Variants in RPGRIP1 observed in about 807,000 individuals in gnomAD.
The protein encoded by RPGRIP1 is RPGR interacting protein 1.
A neutral mutation model predicts 157.9 loss-of-function variants in RPGRIP1; 128 were observed. The observed-to-expected ratio is 0.81, with a 90% CI of 0.70 to 0.94. RPGRIP1 has a LOEUF of 0.94. Ranked by LOEUF, RPGRIP1 falls within the 40% of genes least tolerant of loss-of-function variation. The pLI is 0.00. For synonymous variants in RPGRIP1, 554 were observed against 571.6 expected, an observed-to-expected ratio of 0.97 and a Z score of 0.44; for missense variants, 1,486 against 1,545.8, an observed-to-expected ratio of 0.96 and a Z score of 0.65.
In RPGRIP1 at chr14:21,322,017, C is replaced by T. The variant is rs748439437; in HGVS notation, c.1762+13C>T. 1 of 1,607,000 alleles carries T rather than the reference C, an allele frequency of 6.2e-7. No individual in the cohort carries two copies. The highest frequency in any genetic ancestry group is 1.7e-5 in the Admixed American group (1 of 58,640). ...CTTCCAACATCTGGCAAGTCTTAGTCCTTTGTTCTCCTCACTTCGGGACCC... is the reference window on the plus strand; with the variant it reads ...CTTCCAACATCTGGCAAGTCTTAGTTCTTTGTTCTCCTCACTTCGGGACCC... On this transcript the variant is annotated intron_variant, in intron 14 of 24. Transcript: ENST00000400017.
chr14:21,346,982 G>C (rs1885632149), intron 23 of RPGRIP1, among the ~76,000 whole-genome samples: 1 of 152,264 alleles, frequency 6.6e-6, no homozygotes, highest in Non-Finnish European at 1.5e-5. Context: ...GGCTTAAACA[G>C]ATGTAAGCTT....
intron 2 of RPGRIP1, 103 bp downstream of exon 2, chr14:21,288,164 T>G: frequency 1.3e-6 from 1 of 753,260 alleles, no homozygotes; most frequent in Admixed American, 2.4e-5. Context: ...TTCAGCTCTT[T>G]TCTTCAGTCT....
At chr14:21,345,391 T>G (rs1885461284) in intron 23 of RPGRIP1, among the ~76,000 whole-genome samples, 194 bp downstream of exon 23, 1 of 151,662 alleles carries the variant, frequency 6.6e-6, no homozygotes, top group African/African-American at 2.4e-5. Flanking sequence ...TTATAGGTTA[T>G]TTATTTATTT....
chr14:21,317,398 C>T, intron 10 of RPGRIP1: 1 of 576,316 alleles, frequency 1.7e-6, no homozygotes. Context: ...ATACATAGTT[C>T]CCTGACTAAA....
rs1213308575 is a variant in RPGRIP1, at chr14:21,310,122, A to G, written c.907-462A>G. 3.2e-5 allele frequency among the ~76,000 whole-genome samples: 2 copies of G among 62,480 alleles called. 1 individual carries two copies. Among genetic ancestry groups the G allele is most frequent in the Non-Finnish European group, 6.7e-5 (2 of 29,884 alleles). The allele number at this position is 62,480 out of a possible 152,430, so 41.0% of individuals were successfully genotyped here. A position where few individuals can be genotyped will look rare whatever the true frequency, so the allele number is the denominator to read the frequency against. On this transcript the variant is annotated intron_variant, in intron 7 of 24. Transcript: ENST00000400017. Reference sequence around the variant, plus strand: ...AAACTTACCTCTCATATTTGCTACAAGGATTAAATGAGATAATATGTGTGA... The same window carrying G: ...AAACTTACCTCTCATATTTGCTACAGGGATTAAATGAGATAATATGTGTGA...
chr14:21,331,092 A>T (rs1447334072), intron 20 of RPGRIP1, among the ~76,000 whole-genome samples: 1 of 151,796 alleles, frequency 6.6e-6, no homozygotes, highest in Non-Finnish European at 1.5e-5. Context: ...TATTTTTAGT[A>T]GAGACAGGTT....
At chr14:21,309,000 A>G (rs997068001) in intron 7 of RPGRIP1, among the ~76,000 whole-genome samples, 1 of 152,220 alleles carries the variant, frequency 6.6e-6, no homozygotes, top group African/African-American at 2.4e-5. Context: ...ACAGGAAGAC[A>G]AGGGCGGGAA....
At chr14:21,336,993 T>G (rs1016596730) in intron 21 of RPGRIP1, among the ~76,000 whole-genome samples, 1 of 152,224 alleles carries the variant, frequency 6.6e-6, no homozygotes, top group African/African-American at 2.4e-5. Flanking sequence ...ATTATCAAGT[T>G]AAACGTACAA....
intron 13 of RPGRIP1, 154 bp downstream of exon 13, chr14:21,321,556 T>C: frequency 7.1e-7 from 1 of 1,405,722 alleles, no homozygotes; most frequent in African/African-American, 1.4e-5. Flanking sequence ...TTGAAGAACT[T>C]GAGGACTCAC....
At chr14:21,330,012 G>T (rs1415382356) in intron 19 of RPGRIP1, among the ~76,000 whole-genome samples, 1 of 151,326 alleles carries the variant, frequency 6.6e-6, no homozygotes, top group Non-Finnish European at 1.5e-5. Context: ...CAGCTACTCA[G>T]GAGGCTGAGG....
chr14:21,289,897 C>A (rs1880453105), intron 2 of RPGRIP1, among the ~76,000 whole-genome samples: 1 of 152,070 alleles, frequency 6.6e-6, no homozygotes, highest in Admixed American at 6.6e-5. Flanking sequence ...TGCTTTGTCA[C>A]CTAGGCTGGA....
intron 4 of RPGRIP1, 32 bp from the exon 5 acceptor site, chr14:21,302,456 C>T (rs376490441): frequency 4.3e-4 from 567 of 1,317,588 alleles, no homozygotes; most frequent in Admixed American, 1.2e-3. Context: ...GGTACTGTTG[C>T]CCGAGTCTGC....
intron 21 of RPGRIP1, among the ~76,000 whole-genome samples, chr14:21,342,048 T>TC (rs1458421778): frequency 7.3e-6 from 1 of 136,704 alleles, no homozygotes; most frequent in Non-Finnish European, 1.5e-5. Flanking sequence ...AGACACTGTC[T>TC]CAAAAAAAAA....
In RPGRIP1 at chr14:21,291,176, A is replaced by G. The variant is rs564545545; in HGVS notation, c.85+3115A>G. ...TTTAATTCAGGGGCCAGTTTTGCCA[A>G]TTTTTAAATTGGATTATTTGTCTTT... On this transcript the variant is annotated intron_variant, in intron 2 of 24. Coordinates refer to ENST00000400017, the MANE Select transcript of RPGRIP1 (RefSeq NM_020366.4). Among the ~76,000 whole-genome samples the G allele has an allele frequency of 2.1e-4, 32 of 152,206 alleles. No individual in the cohort carries two copies. In the East Asian group the frequency reaches 3.1e-3, roughly 15 times the overall value.
intron 7 of RPGRIP1, 120 bp from the exon 8 acceptor site, chr14:21,310,464 A>G (rs1252542243): frequency 1.7e-6 from 1 of 602,062 alleles, no homozygotes; most frequent in African/African-American, 2.0e-5. Context: ...CAAGTACACA[A>G]ATTGATTTGT....
intron 10 of RPGRIP1, 105 bp downstream of exon 10, chr14:21,312,611 C>A: frequency 6.4e-6 from 4 of 628,626 alleles, no homozygotes; most frequent in South Asian, 2.4e-5. Flanking sequence ...AATTGGTACT[C>A]AATATTGTTA....
intron 1 of RPGRIP1, among the ~76,000 whole-genome samples, chr14:21,281,665 G>A (rs1193315920): frequency 1.4e-5 from 2 of 146,696 alleles, no homozygotes; most frequent in African/African-American, 2.6e-5. Flanking sequence ...CTCCAGCCTG[G>A]GCAACAGAGT....
At chr14:21,319,093 G>A (rs914499884) in intron 11 of RPGRIP1, among the ~76,000 whole-genome samples, 110 of 152,282 alleles carry the variant, frequency 7.2e-4, no homozygotes, top group African/African-American at 2.6e-3. Context: ...AAAGAAATGT[G>A]TGAAATCAAG....
In RPGRIP1 at chr14:21,327,624, T is replaced by C. The variant is rs1883245894; in HGVS notation, c.2712T>C (p.Gly904=). 6.2e-7 allele frequency: 1 copy of C among 1,613,638 alleles called. No homozygotes were observed. Among genetic ancestry groups the C allele is most frequent in the African/African-American group, 1.3e-5 (1 of 74,922 alleles). The change falls in exon 18 of 25, where the codon GGT becomes GGC. Residue 904 remains glycine (G), a splice_region_variant and synonymous_variant. Transcript: ENST00000400017. The part of the protein sequence containing the change: ...LPLAKNESIK[G]DFNLTDPAEK... ...TATTAATATCTGTTTGTTTCTCAGG[T>C]GATTTTAACCTCACTGACCCTGCAG...
Sources: allele counts gnomAD v4.1 joint callset (sites outside exome capture counted in the v4.1 genomes callset), GRCh38; gene constraint gnomAD v4.1.1; transcripts MANE v1.5; gene names NCBI Gene and HGNC (gene_info 2026-07-23, HGNC 2026-07-21).